Variants in CTNNA3 observed in about 807,000 individuals in gnomAD.
CTNNA3 encodes the protein catenin alpha-3.
In CTNNA3, 76 loss-of-function variants were observed where a neutral mutation model predicts 95.7. The observed-to-expected ratio is 0.79, with a 90% CI of 0.66 to 0.96. The LOEUF (loss-of-function observed/expected upper bound fraction) is 0.96. Among genes scored for constraint, CTNNA3 ranks in the 40% least tolerant of loss-of-function variants. CTNNA3 has a pLI of 0.00. For missense variants in CTNNA3, 1,191 were observed against 1,089.8 expected (o/e 1.09, Z -1.31); for synonymous variants, 431 against 374.4 (o/e 1.15, Z -1.74).
chr10:67,132,441 T>A (rs1050558882), intron 7 of CTNNA3, among the ~76,000 whole-genome samples: 1 of 151,938 alleles, frequency 6.6e-6, no homozygotes, highest in Admixed American at 6.6e-5. Context: ...TCCAGGGAGA[T>A]GAAAGAGAAA....
At chr10:66,136,729 A>G (rs1042155065) in intron 13 of CTNNA3, among the ~76,000 whole-genome samples, 1 of 152,250 alleles carries the variant, frequency 6.6e-6, no homozygotes, top group Non-Finnish European at 1.5e-5. Context: ...GTGTTGTATT[A>G]TCTCCATGAC....
intron 11 of CTNNA3, among the ~76,000 whole-genome samples, chr10:66,504,183 C>T (rs1321474699): frequency 6.6e-6 from 1 of 152,034 alleles, no homozygotes; most frequent in East Asian, 1.9e-4. Flanking sequence ...ATTTTGTATC[C>T]TTTAACCAAC....
At chr10:66,633,045 A>G (rs1239154762) in intron 9 of CTNNA3, among the ~76,000 whole-genome samples, 1 of 152,190 alleles carries the variant, frequency 6.6e-6, no homozygotes, top group Non-Finnish European at 1.5e-5. Flanking sequence ...ATATTATCCA[A>G]TACTGCTGAG....
intron 5 of CTNNA3, among the ~76,000 whole-genome samples, chr10:67,351,635 C>T (rs1842642779): frequency 6.6e-6 from 1 of 151,884 alleles, no homozygotes; most frequent in South Asian, 2.1e-4. Flanking sequence ...GATTTTTATA[C>T]CTTTCATGAA....
At chr10:66,055,837 G>A (rs1380388982) in intron 15 of CTNNA3, among the ~76,000 whole-genome samples, 3 of 144,262 alleles carry the variant, frequency 2.1e-5, no homozygotes, top group South Asian at 2.2e-4. Context: ...CAGGAGAATC[G>A]CTTGAACCTG....
chr10:67,185,446 G>A (rs1009404797), intron 6 of CTNNA3, among the ~76,000 whole-genome samples: 1 of 151,364 alleles, frequency 6.6e-6, no homozygotes, highest in African/African-American at 2.4e-5. Flanking sequence ...TTTTTTCTAT[G>A]CCTCTATTGA....
chr10:66,974,628 T>G (rs981072194), intron 7 of CTNNA3, among the ~76,000 whole-genome samples: 2 of 152,236 alleles, frequency 1.3e-5, no homozygotes, highest in African/African-American at 4.8e-5. Context: ...CCATCAGTAA[T>G]GTATAAGAGT....
At chr10:66,761,378 C>T (rs1839592118) in intron 9 of CTNNA3, among the ~76,000 whole-genome samples, 1 of 152,000 alleles carries the variant, frequency 6.6e-6, no homozygotes. Flanking sequence ...ATGAGTAAGT[C>T]AAAGCACCGA....
intron 12 of CTNNA3, among the ~76,000 whole-genome samples, chr10:66,375,451 A>T (rs2092789447): frequency 6.6e-6 from 1 of 152,168 alleles, no homozygotes; most frequent in Non-Finnish European, 1.5e-5. Context: ...CACTGGCCAC[A>T]TAAAAATTCT....
At chr10:67,356,614 C>T (rs1842818046) in intron 5 of CTNNA3, among the ~76,000 whole-genome samples, 1 of 152,056 alleles carries the variant, frequency 6.6e-6, no homozygotes, top group Non-Finnish European at 1.5e-5. Flanking sequence ...ATGACCTCAA[C>T]TCCAAGTATC....
chr10:66,189,604 A>ATTTT (rs200433012), intron 13 of CTNNA3, among the ~76,000 whole-genome samples: 1 of 109,714 alleles, frequency 9.1e-6, no homozygotes, highest in Non-Finnish European at 1.9e-5. Context: ...ATAGATTTAT[A>ATTTT]TATATATATA....
At chr10:67,538,839 A>C (rs963646565) in intron 4 of CTNNA3, among the ~76,000 whole-genome samples, 1 of 152,164 alleles carries the variant, frequency 6.6e-6, no homozygotes, top group African/African-American at 2.4e-5. Flanking sequence ...TCATCTGAAC[A>C]CTACTAATGA....
chr10:67,172,120 C>T (rs1298152807), intron 7 of CTNNA3, among the ~76,000 whole-genome samples: 5 of 152,206 alleles, frequency 3.3e-5, no homozygotes, highest in Non-Finnish European at 7.3e-5. Context: ...CCAACTCCCT[C>T]AACTGTCTAA....
rs768315979 is a variant in CTNNA3 at position 66,848,738 on chromosome 10, C to G, written c.1048-73214G>C. Among the ~76,000 whole-genome samples the G allele has an allele frequency of 2.6e-5, 4 of 152,116 alleles. No homozygotes were observed. The South Asian group carries it at 6.2e-4, about 24-fold the overall frequency. The stretch of plus-strand genomic sequence containing the variant: ...ACATTTGAAATTTAACATATCAGAA[C>G]AGTAGGTAGGTTGAAACACCTTGGA... On this transcript the variant is annotated intron_variant, in intron 7 of 17. Transcript: ENST00000433211.
intron 13 of CTNNA3, among the ~76,000 whole-genome samples, chr10:66,212,521 G>A (rs72797223): frequency 0.15 from 22,366 of 151,638 alleles, 2,769 homozygotes; most frequent in African/African-American, 0.34. Context: ...TTTATATTTC[G>A]GAGTTGTGTT....
chr10:66,937,592 T>G (rs1847779099), intron 7 of CTNNA3, among the ~76,000 whole-genome samples: 1 of 152,144 alleles, frequency 6.6e-6, no homozygotes, highest in South Asian at 2.1e-4. Context: ...CAAGGGCATC[T>G]GGGCACGTAG....
At chr10:67,344,188 C>T (rs1052853748) in intron 5 of CTNNA3, among the ~76,000 whole-genome samples, 1 of 151,746 alleles carries the variant, frequency 6.6e-6, no homozygotes, top group African/African-American at 2.4e-5. Context: ...GGATAAAATC[C>T]ACTTGTTCAT....
intron 7 of CTNNA3, among the ~76,000 whole-genome samples, chr10:67,112,445 G>A (rs1255734526): frequency 6.6e-6 from 1 of 152,030 alleles, no homozygotes; most frequent in Non-Finnish European, 1.5e-5. Flanking sequence ...ATACATTTAT[G>A]TAATCACTAT....
intron 13 of CTNNA3, among the ~76,000 whole-genome samples, chr10:66,224,336 A>G (rs1181601065): frequency 6.6e-6 from 1 of 152,198 alleles, no homozygotes; most frequent in African/African-American, 2.4e-5. Flanking sequence ...TATCCAGTGG[A>G]GATTCAAACT....
Sources: allele counts gnomAD v4.1 joint callset (sites outside exome capture counted in the v4.1 genomes callset), GRCh38; gene constraint gnomAD v4.1.1; transcripts MANE v1.5; gene names NCBI Gene and HGNC (gene_info 2026-07-23, HGNC 2026-07-21).